HECTD4: variants seen among roughly 807,000 people sequenced by gnomAD.
HECTD4 encodes the protein HECT domain E3 ubiquitin protein ligase 4.
A neutral mutation model predicts 471.5 loss-of-function variants in HECTD4; 114 were observed. That is an observed-to-expected ratio of 0.24 (90% CI 0.21 to 0.28). HECTD4 has a LOEUF of 0.28. Ranked by LOEUF, HECTD4 falls within the 10% of genes least tolerant of loss-of-function variation. The probability of loss-of-function intolerance (pLI) is 1.00; values close to 1 mark genes in which losing one functional copy is unlikely to be tolerated. For synonymous variants in HECTD4, 2,012 were observed against 2,256.0 expected (o/e 0.89, Z 3.07); for missense variants, 3,866 against 5,651.5 (o/e 0.68, Z 10.13).
rs764496969 is a variant in HECTD4 at position 112,210,189 on chromosome 12, G to A, written c.7693C>T (p.Arg2565Cys). Residue 2565 changes from arginine to cysteine, a missense_variant, in exon 50 of 76, where the codon CGC becomes TGC. This residue lies in a region of HECTD4 where 617 missense variants were observed against 915.1 expected (regional missense o/e 0.67). Coordinates refer to ENST00000682272, the MANE Select transcript of HECTD4 (RefSeq NM_001388303.1). ...TCAGTGCACAGGTCAGCAGCATTGCGGTGGGCCTGCCCTTCCGCGTAGGCA... is the reference window on the plus strand; with the variant it reads ...TCAGTGCACAGGTCAGCAGCATTGCAGTGGGCCTGCCCTTCCGCGTAGGCA... ...PFAYAEGQAH[R>C]NAADLCTDLA... 1.9e-6 allele frequency: 3 copies of A among 1,614,050 alleles called. No individual in the cohort carries two copies. Among genetic ancestry groups the A allele is most frequent in the South Asian group, 2.2e-5 (2 of 91,084 alleles).
intron 13 of HECTD4, 119 bp downstream of exon 13, chr12:112,269,585 A>G: frequency 9.5e-7 from 1 of 1,055,052 alleles, no homozygotes; most frequent in Non-Finnish European, 1.4e-6. Context: ...CCAATCCATG[A>G]GGTCCCAATT....
chr12:112,286,764 C>A (rs2135647754), intron 7 of HECTD4, among the ~76,000 whole-genome samples: 1 of 152,308 alleles, frequency 6.6e-6, no homozygotes, highest in African/African-American at 2.4e-5. Context: ...TTTTCCAACA[C>A]ACTTATGATA....
intron 43 of HECTD4, among the ~76,000 whole-genome samples, chr12:112,227,037 A>C (rs984958417): frequency 2.0e-5 from 3 of 152,242 alleles, no homozygotes; most frequent in African/African-American, 7.2e-5. Context: ...CCAGGTGAGA[A>C]ATCAGCACTG....
intron 59 of HECTD4, among the ~76,000 whole-genome samples, chr12:112,191,647 T>C (rs2032084427): frequency 6.6e-6 from 1 of 152,172 alleles, no homozygotes; most frequent in Admixed American, 6.5e-5. Flanking sequence ...GGGGTGAATG[T>C]TTACATAGTG....
intron 59 of HECTD4, 95 bp from the exon 60 acceptor site, chr12:112,191,060 G>A: frequency 9.7e-7 from 1 of 1,028,660 alleles, no homozygotes; most frequent in Non-Finnish European, 1.4e-6. Context: ...TGTAGAAACA[G>A]GGCTGGAGAG....
chr12:112,207,510 A>G (rs2032626703), intron 52 of HECTD4, among the ~76,000 whole-genome samples: 1 of 152,186 alleles, frequency 6.6e-6, no homozygotes, highest in Admixed American at 6.5e-5. Flanking sequence ...TGCAGAGCAC[A>G]TATTCCATTT....
rs185450824 is a variant in HECTD4, at chr12:112,178,551, C to T, written c.11363+380G>A. The stretch of plus-strand genomic sequence containing the variant: ...CAGCAGAAAGGGCCCAGACACCCAC[C>T]GGGCACAGTGGCTCCCGCCTGTAAC... On this transcript the variant is annotated intron_variant, in intron 64 of 75. Transcript: ENST00000682272. Among the ~76,000 whole-genome samples, 787 of 152,306 alleles carry T rather than the reference C, an allele frequency of 5.2e-3. 2 individuals are homozygous for T. The highest frequency in any genetic ancestry group is 0.018 in the African/African-American group (737 of 41,564).
intron 1 of HECTD4, among the ~76,000 whole-genome samples, chr12:112,380,973 C>G (rs1324483531): frequency 6.6e-6 from 1 of 152,170 alleles, no homozygotes; most frequent in African/African-American, 2.4e-5. Context: ...GCGCCCTACC[C>G]CAGAAAGCTC....
In HECTD4 at chr12:112,217,099, G is replaced by C. The variant is rs766283636; in HGVS notation, c.7171C>G (p.Pro2391Ala). ...HLTSVTFLADPSAGGGLPRGT... is the reference protein window; with the variant it reads ...HLTSVTFLADASAGGGLPRGT... ...CGGGGCAGGCCTCCCCCAGCGCTGG[G>C]GTCAGCCAGGAAGGTGACTGAGGTA... The change falls in exon 46 of 76, where the codon CCC (proline) becomes GCC (alanine). Residue 2391 changes from proline (P) to alanine (A), a missense_variant. By Grantham distance (27) the Pro-to-Ala change is conservative (BLOSUM62 -1). This residue lies in a region of HECTD4 where 617 missense variants were observed against 915.1 expected (regional missense o/e 0.67). Coordinates refer to ENST00000682272, the MANE Select transcript of HECTD4 (RefSeq NM_001388303.1). The C allele has an allele frequency of 6.3e-7, 1 of 1,594,288 alleles. No homozygotes were observed. The highest frequency in any genetic ancestry group is 8.5e-7 in the Non-Finnish European group (1 of 1,170,440).
At chr12:112,354,777 C>A (rs770874356) in intron 1 of HECTD4, among the ~76,000 whole-genome samples, 51 of 151,996 alleles carry the variant, frequency 3.4e-4, no homozygotes, top group Non-Finnish European at 6.5e-4. Flanking sequence ...TGGGTCACCA[C>A]CAAAAAATTA....
In HECTD4 at chr12:112,250,271, A is replaced by G; in HGVS notation, c.3823T>C (p.Ser1275Pro). The G allele has an allele frequency of 6.2e-7, 1 of 1,613,918 alleles. No homozygotes were observed. The highest frequency in any genetic ancestry group is 8.5e-7 in the Non-Finnish European group (1 of 1,179,854). Residue 1275 changes from serine (S) to proline (P), a missense_variant, in exon 25 of 76, where the codon TCT (serine) becomes CCT (proline). By Grantham distance (74) the Ser-to-Pro change is moderately conservative. Transcript: ENST00000682272. ...IEEDREFTYPSDVLVPPVGNY... is the reference protein window; with the variant it reads ...IEEDREFTYPPDVLVPPVGNY... ...CCAACAGGAGGCACGAGGACATCAG[A>G]GGGGTAGGTGAATTCTCTGTCTTCC...
At position 112,185,385 on chromosome 12, in the gene HECTD4, G is replaced by A; in HGVS notation, c.9581C>T (p.Pro3194Leu). ...GGCGATTGAGGAGGACAGGCCAGCG[G>A]GGTGCCGCCTCTGCTCCAGGGTGTG... ...TVHTLEQRRH[P>L]AGLSSSIALQ... The change falls in exon 61 of 76, where the codon CCC becomes CTC. Residue 3194 changes from proline to leucine, a missense_variant. By Grantham distance (98) the Pro-to-Leu change is moderately conservative. Coordinates refer to ENST00000682272, the MANE Select transcript of HECTD4 (RefSeq NM_001388303.1). The A allele has an allele frequency of 1.9e-6, 3 of 1,612,268 alleles. No homozygotes were observed. Among genetic ancestry groups the A allele is most frequent in the Non-Finnish European group, 2.5e-6 (3 of 1,179,488 alleles).
intron 7 of HECTD4, among the ~76,000 whole-genome samples, chr12:112,298,881 CAAAAAAA>C (rs374274010): frequency 2.2e-5 from 2 of 90,336 alleles, no homozygotes; most frequent in African/African-American, 8.2e-5. Context: ...GACTCCATCT[CAAAAAAA>C]AAAAAAAAAC....
chr12:112,267,721 C>T (rs189278026), intron 13 of HECTD4, among the ~76,000 whole-genome samples: 1 of 152,336 alleles, frequency 6.6e-6, no homozygotes, highest in East Asian at 1.9e-4. Flanking sequence ...ATTTCTAATT[C>T]TCAGCTTTTC....
intron 13 of HECTD4, 31 bp downstream of exon 13, chr12:112,269,673 G>A: frequency 6.2e-7 from 1 of 1,611,402 alleles, no homozygotes; most frequent in South Asian, 1.1e-5. Context: ...TCATTTTGCA[G>A]AGAGCACTAC....
rs137905162 is a variant in HECTD4, at chr12:112,206,261, C to T, written c.8131+1613G>A. 7.6e-4 allele frequency among the ~76,000 whole-genome samples: 115 copies of T among 152,042 alleles called. 1 individual carries two copies. The highest frequency in any genetic ancestry group is 4.3e-3 in the East Asian group (22 of 5,170). ...CTGTAATCCCAGCACTTTGGAGGCC[C>T]GGGTGGGAAGACTGTTTGAAGCCAG... On this transcript the variant is annotated intron_variant, in intron 52 of 75. Transcript: ENST00000682272.
chr12:112,268,371 C>G (rs1321929107), intron 13 of HECTD4, among the ~76,000 whole-genome samples: 1 of 152,202 alleles, frequency 6.6e-6, no homozygotes, highest in Admixed American at 6.5e-5. Flanking sequence ...TCTATGCTCA[C>G]CCCTGTCATA....
At position 112,382,151 on chromosome 12, in the gene HECTD4, C is replaced by T; in HGVS notation, c.-23G>A. 4 of 1,218,024 alleles carry T rather than the reference C, an allele frequency of 3.3e-6. No individual in the cohort carries two copies. Among genetic ancestry groups the T allele is most frequent in the Non-Finnish European group, 4.1e-6 (4 of 980,588 alleles). 75.5% of individuals were successfully genotyped at this position (1,218,024 alleles called of 1,614,324 possible). ...CATGGCCCCGGCTGAAGGCTTGGCG[C>T]TGAGGAGCAGACGCCCGGCCGGGGG... On this transcript the variant is annotated 5_prime_UTR_variant, in exon 1 of 76. Coordinates refer to ENST00000682272, the MANE Select transcript of HECTD4 (RefSeq NM_001388303.1).
At chr12:112,312,467 A>G (rs2035392207) in intron 4 of HECTD4, among the ~76,000 whole-genome samples, 1 of 152,168 alleles carries the variant, frequency 6.6e-6, no homozygotes, top group Admixed American at 6.5e-5. Flanking sequence ...GTCAGTTAAG[A>G]GAGCTTCTGC....
Sources: allele counts gnomAD v4.1 joint callset (sites outside exome capture counted in the v4.1 genomes callset), GRCh38; gene constraint gnomAD v4.1.1; regional missense constraint gnomAD v4.1.1; transcripts MANE v1.5; gene names NCBI Gene and HGNC (gene_info 2026-07-23, HGNC 2026-07-21).